The following GLIS1 variants were observed in gnomAD, a reference collection of about 807,000 sequenced individuals.
GLIS1 encodes zinc finger protein GLIS1.
Under a neutral mutation model 63.8 loss-of-function variants are expected in GLIS1, and 24 were observed. The observed-to-expected ratio is 0.38, with a 90% CI of 0.27 to 0.53. The LOEUF (loss-of-function observed/expected upper bound fraction) is 0.53. Among genes scored for constraint, GLIS1 ranks in the 20% least tolerant of loss-of-function variants. The pLI is 0.85. For missense variants in GLIS1, 1,036 were observed against 1,074.1 expected, an observed-to-expected ratio of 0.96 and a Z score of 0.50; for synonymous variants, 450 against 482.5, an observed-to-expected ratio of 0.93 and a Z score of 0.88.
chr1:53,522,054 C>G (rs1022608699), intron 6 of GLIS1, among the ~76,000 whole-genome samples: 1 of 152,244 alleles, frequency 6.6e-6, no homozygotes, highest in Non-Finnish European at 1.5e-5. Context: ...AGCCCAGCCT[C>G]GAGATGGGCT....
intron 7 of GLIS1, 38 bp downstream of exon 7, chr1:53,520,596 T>G: frequency 6.4e-7 from 1 of 1,563,922 alleles, no homozygotes; most frequent in African/African-American, 1.4e-5. Context: ...AGGCCCCTCC[T>G]GGGCTACGCC....
intron 2 of GLIS1, among the ~76,000 whole-genome samples, chr1:53,658,422 C>T (rs1296112805): frequency 1.3e-5 from 2 of 152,168 alleles, no homozygotes; most frequent in African/African-American, 4.8e-5. Flanking sequence ...ATAACAAATG[C>T]ATGACGCCAG....
At chr1:53,729,868 C>T (rs900603688) in intron 2 of GLIS1, among the ~76,000 whole-genome samples, 3 of 152,094 alleles carry the variant, frequency 2.0e-5, no homozygotes, top group Non-Finnish European at 4.4e-5. Context: ...TATTTTGTTT[C>T]GCGCTGGAAA....
intron 4 of GLIS1, among the ~76,000 whole-genome samples, chr1:53,580,599 G>A (rs1645075451): frequency 6.6e-6 from 1 of 152,166 alleles, no homozygotes; most frequent in South Asian, 2.1e-4. Context: ...GTACCCCAGA[G>A]CAGGGGGAGG....
intron 10 of GLIS1, among the ~76,000 whole-genome samples, chr1:53,508,562 G>A (rs575037682): frequency 9.2e-5 from 14 of 152,118 alleles, no homozygotes; most frequent in Non-Finnish European, 1.6e-4. Context: ...CCTGCTGATC[G>A]GAGCCTGGTT....
chr1:53,706,087 G>A lies in GLIS1; in HGVS notation c.259+31719C>T, dbSNP rs572701216. Among the ~76,000 whole-genome samples, 3 of 152,306 alleles carry A rather than the reference G, an allele frequency of 2.0e-5. No homozygotes were observed. In the East Asian group the frequency reaches 5.8e-4, roughly 29 times the overall value. On this transcript the variant is annotated intron_variant, in intron 2 of 10. Coordinates refer to ENST00000628545, the MANE Select transcript of GLIS1 (RefSeq NM_001367484.1). ...AACAATGACAATAATATTGGCTAAT[G>A]TACTCTGGGGCACACCTAAGAGATC...
chr1:53,589,903 A>G (rs1160970802), intron 4 of GLIS1, among the ~76,000 whole-genome samples: 1 of 152,220 alleles, frequency 6.6e-6, no homozygotes, highest in Non-Finnish European at 1.5e-5. Context: ...TCCCTGGTAG[A>G]TATCGAATGG....
At chr1:53,690,670 G>A (rs1646393980) in intron 2 of GLIS1, among the ~76,000 whole-genome samples, 1 of 152,186 alleles carries the variant, frequency 6.6e-6, no homozygotes, top group Non-Finnish European at 1.5e-5. Context: ...ATTAACCCCT[G>A]TTTTCGGCTG....
In GLIS1 at chr1:53,653,850, G is replaced by A. The variant is rs542075617; in HGVS notation, c.260-53572C>T. ...TCTCCTGATCCCTGGCCCTCCTCTG[G>A]CCCCCACCCTACAGGCTGCCAGCAG... On this transcript the variant is annotated intron_variant, in intron 2 of 10. Transcript: ENST00000628545. Among the ~76,000 whole-genome samples the A allele has an allele frequency of 8.5e-5, 13 of 152,282 alleles. No homozygotes were observed. The South Asian group carries it at 2.7e-3, about 32-fold the overall frequency.
intron 4 of GLIS1, among the ~76,000 whole-genome samples, chr1:53,534,593 T>A (rs1644563706): frequency 6.6e-6 from 1 of 152,000 alleles, no homozygotes; most frequent in Admixed American, 6.5e-5. Context: ...GAGAAAGAAG[T>A]GCCTGCAACA....
intron 4 of GLIS1, among the ~76,000 whole-genome samples, chr1:53,576,053 GCCT>G (rs766621077): frequency 1.3e-5 from 2 of 152,012 alleles, no homozygotes; most frequent in Non-Finnish European, 2.9e-5. Flanking sequence ...TGCTTTCTCT[GCCT>G]CCTCACCTCA....
intron 3 of GLIS1, among the ~76,000 whole-genome samples, chr1:53,599,328 T>C (rs993370482): frequency 6.6e-6 from 1 of 152,112 alleles, no homozygotes; most frequent in Non-Finnish European, 1.5e-5. Flanking sequence ...TAATGGATGA[T>C]CATGGGAGTG....
intron 4 of GLIS1, among the ~76,000 whole-genome samples, chr1:53,547,110 G>A (rs1644709969): frequency 6.6e-6 from 1 of 152,234 alleles, no homozygotes; most frequent in South Asian, 2.1e-4. Context: ...CACCGCTGGG[G>A]AAGGAGAAAG....
At chr1:53,600,641 C>G (rs1645307388) in intron 2 of GLIS1, among the ~76,000 whole-genome samples, 1 of 152,156 alleles carries the variant, frequency 6.6e-6, no homozygotes, top group Non-Finnish European at 1.5e-5. Flanking sequence ...TCACGTTAAC[C>G]ACACGGTGCT....
chr1:53,714,029 C>A (rs947216923), intron 2 of GLIS1, among the ~76,000 whole-genome samples: 9 of 152,194 alleles, frequency 5.9e-5, no homozygotes, highest in African/African-American at 1.9e-4. Flanking sequence ...TTTCCCTCCA[C>A]TTTCTCCAAC....
chr1:53,526,384 C>T lies in GLIS1; in HGVS notation c.1483-1497G>A, dbSNP rs1004853881. 4.6e-5 allele frequency among the ~76,000 whole-genome samples: 7 copies of T among 152,184 alleles called. No individual in the cohort carries two copies. The highest frequency in any genetic ancestry group is 4.1e-4 in the South Asian group (2 of 4,828). Reference sequence around the variant, plus strand: ...ATGGAGAGTTGCCAGATTAAAGAAACGGAGGAGAGCAAAAAGAGAGAGACA... The same window carrying T: ...ATGGAGAGTTGCCAGATTAAAGAAATGGAGGAGAGCAAAAAGAGAGAGACA... On this transcript the variant is annotated intron_variant, in intron 5 of 10. Transcript: ENST00000628545. The surrounding 1 kb of genome is among the most constrained non-coding windows in gnomAD (Gnocchi z 4.4).
chr1:53,611,678 G>A (rs1229882064), intron 2 of GLIS1, among the ~76,000 whole-genome samples: 3 of 152,152 alleles, frequency 2.0e-5, no homozygotes, highest in Non-Finnish European at 2.9e-5. Context: ...CTCTGTTTCT[G>A]GCTCATCCAT....
intron 2 of GLIS1, among the ~76,000 whole-genome samples, chr1:53,684,360 C>T (rs560042263): frequency 3.3e-5 from 5 of 152,276 alleles, no homozygotes; most frequent in East Asian, 1.9e-4. Flanking sequence ...CCTGGGAAAG[C>T]GTGGGAAAGC....
intron 2 of GLIS1, among the ~76,000 whole-genome samples, chr1:53,717,289 T>A (rs888321494): frequency 6.6e-6 from 1 of 152,208 alleles, no homozygotes; most frequent in Non-Finnish European, 1.5e-5. Context: ...CGTAAAGCAG[T>A]GAGGACAGTG....
Sources: gnomAD v4.1 joint callset for allele counts (sites outside exome capture counted in the v4.1 genomes callset) on GRCh38, gnomAD v4.1.1 for gene constraint, Gnocchi (gnomAD v3.1) non-coding constraint, MANE v1.5 for transcripts, NCBI Gene and HGNC (gene_info 2026-07-23, HGNC 2026-07-21) for gene names.